Variants in ARB2A observed in about 807,000 individuals in gnomAD.
The protein encoded by ARB2A is cotranscriptional regulator ARB2A.
At chr5:93,837,171 T>C in the ARB2A span, among the ~76,000 whole-genome samples, 1 of 152,282 alleles carries the variant, frequency 6.6e-6, no homozygotes, top group East Asian at 1.9e-4. Flanking sequence ...TGTCCACGTG[T>C]TCTCATTGTT....
At chr5:93,690,570 C>A in the ARB2A span, among the ~76,000 whole-genome samples, 6 of 152,156 alleles carry the variant, frequency 3.9e-5, no homozygotes, top group Admixed American at 2.0e-4. Flanking sequence ...GCTTATAGAT[C>A]AAACTCCCAT....
chr5:93,715,286 C>T, the ARB2A span, among the ~76,000 whole-genome samples: 7 of 152,088 alleles, frequency 4.6e-5, no homozygotes, highest in Admixed American at 1.3e-4. Context: ...AAAACTATAG[C>T]TAAATTTTTT....
At chr5:93,847,988 C>T in the ARB2A span, among the ~76,000 whole-genome samples, 1 of 152,216 alleles carries the variant, frequency 6.6e-6, no homozygotes, top group Non-Finnish European at 1.5e-5. Flanking sequence ...TTATTTAAAA[C>T]AGTCTGAAGA....
At chr5:94,023,624 T>C in the ARB2A span, among the ~76,000 whole-genome samples, 1 of 152,224 alleles carries the variant, frequency 6.6e-6, no homozygotes, top group Non-Finnish European at 1.5e-5. Context: ...ACTACAATGA[T>C]GAATAAAACC....
chr5:94,090,613 G>A, the ARB2A span, among the ~76,000 whole-genome samples: 1 of 152,166 alleles, frequency 6.6e-6, no homozygotes, highest in Non-Finnish European at 1.5e-5. Context: ...AGTTTTCAAA[G>A]GGAATGTTTC....
At chr5:93,875,213 A>G in the ARB2A span, among the ~76,000 whole-genome samples, 1 of 152,096 alleles carries the variant, frequency 6.6e-6, no homozygotes, top group Non-Finnish European at 1.5e-5. Flanking sequence ...AAGAGCTGGA[A>G]TTCAAACTCA....
chr5:93,952,441 A>G, the ARB2A span, among the ~76,000 whole-genome samples: 1 of 152,176 alleles, frequency 6.6e-6, no homozygotes, highest in African/African-American at 2.4e-5. Context: ...CAGATATAGT[A>G]TTCTAGGGTA....
At chr5:94,038,625 A>G in the ARB2A span, among the ~76,000 whole-genome samples, 15 of 152,106 alleles carry the variant, frequency 9.9e-5, no homozygotes, top group Non-Finnish European at 1.0e-4. Context: ...TACTTACACA[A>G]TAAGTTTAAT....
chr5:93,784,966 T>G, the ARB2A span, among the ~76,000 whole-genome samples: 1 of 152,236 alleles, frequency 6.6e-6, no homozygotes, highest in African/African-American at 2.4e-5. Context: ...ACTAGCCTGC[T>G]CTTCACCATG....
the ARB2A span, among the ~76,000 whole-genome samples, chr5:94,087,781 A>G: frequency 6.6e-6 from 1 of 152,186 alleles, no homozygotes; most frequent in African/African-American, 2.4e-5. Flanking sequence ...ATACGTTTAA[A>G]TAAACAAATT....
chr5:93,795,025 T>C, the ARB2A span, among the ~76,000 whole-genome samples: 5 of 152,158 alleles, frequency 3.3e-5, no homozygotes, highest in Non-Finnish European at 7.4e-5. Context: ...CAAGAGATTA[T>C]GACCTTTGTC....
At chr5:93,917,955 A>C in the ARB2A span, among the ~76,000 whole-genome samples, 1 of 152,000 alleles carries the variant, frequency 6.6e-6, no homozygotes, top group Admixed American at 6.6e-5. Context: ...CAGCCCCAAA[A>C]TGTGGTTGCT....
the ARB2A span, among the ~76,000 whole-genome samples, chr5:93,716,368 T>C: frequency 2.0e-5 from 3 of 152,176 alleles, no homozygotes; most frequent in African/African-American, 7.2e-5. Context: ...TTATTACATC[T>C]TTATCTTCCT....
chr5:93,628,404 G>A, the ARB2A span, among the ~76,000 whole-genome samples: 1 of 152,038 alleles, frequency 6.6e-6, no homozygotes, highest in Non-Finnish European at 1.5e-5. Context: ...ATGAGTATTG[G>A]CTTCAACTTA....
the ARB2A span, among the ~76,000 whole-genome samples, chr5:93,855,928 G>A: frequency 7.6e-3 from 1,149 of 152,010 alleles, 6 homozygotes; most frequent in Middle Eastern, 0.017. Flanking sequence ...TCAAAGGAAC[G>A]CAGTTCCTCA....
At chr5:93,725,973 T>C in the ARB2A span, among the ~76,000 whole-genome samples, 1 of 152,044 alleles carries the variant, frequency 6.6e-6, no homozygotes, top group Non-Finnish European at 1.5e-5. Flanking sequence ...GCCCTCCACA[T>C]AGCAGGCCTC....
At chr5:93,730,581 A>C in the ARB2A span, among the ~76,000 whole-genome samples, 1 of 152,150 alleles carries the variant, frequency 6.6e-6, no homozygotes, top group South Asian at 2.1e-4. Context: ...CTGTTTAAGA[A>C]AACAGTCACT....
the ARB2A span, among the ~76,000 whole-genome samples, chr5:93,895,156 G>A: frequency 2.0e-5 from 3 of 152,170 alleles, no homozygotes; most frequent in African/African-American, 7.2e-5. Context: ...GCTCATGCCA[G>A]TTTTCATGCT....
the ARB2A span, chr5:93,805,085 A>G: frequency 1.0e-6 from 1 of 968,236 alleles, no homozygotes; most frequent in Non-Finnish European, 1.2e-6. Context: ...TTTTCACTAC[A>G]AAGTTACCAT....
Sources: gnomAD v4.1 joint callset for allele counts (sites outside exome capture counted in the v4.1 genomes callset) on GRCh38, gnomAD v4.1.1 for gene constraint, MANE v1.5 for transcripts, NCBI Gene and HGNC (gene_info 2026-07-23, HGNC 2026-07-21) for gene names.